Variants in PHF20 observed in about 807,000 individuals in gnomAD.
The protein encoded by PHF20 is glioma-expressed antigen 2.
Under a neutral mutation model 113.5 loss-of-function variants are expected in PHF20, and 23 were observed. That is an observed-to-expected ratio of 0.20 (90% CI 0.15 to 0.29). The LOEUF is 0.29. Among genes scored for constraint, PHF20 ranks in the 10% least tolerant of loss-of-function variants. The probability of loss-of-function intolerance (pLI) is 1.00; values close to 1 mark genes in which losing one functional copy is unlikely to be tolerated. For missense variants in PHF20, 943 were observed against 1,219.6 expected, an observed-to-expected ratio of 0.77 and a Z score of 3.38; for synonymous variants, 434 against 457.3, an observed-to-expected ratio of 0.95 and a Z score of 0.65.
intron 2 of PHF20, among the ~76,000 whole-genome samples, chr20:35,831,019 G>A (rs888519318): frequency 6.6e-6 from 1 of 152,156 alleles, no homozygotes; most frequent in South Asian, 2.1e-4. Context: ...GAAGGAATAA[G>A]TGCCAAATCT....
chr20:35,777,218 T>C lies in PHF20; in HGVS notation c.-33+5139T>C, dbSNP rs2041192683. 1.3e-5 allele frequency among the ~76,000 whole-genome samples: 2 copies of C among 152,220 alleles called. 1 individual carries two copies. The highest frequency in any genetic ancestry group is 4.1e-4 in the South Asian group (2 of 4,832). On this transcript the variant is annotated intron_variant, in intron 1 of 17. Coordinates refer to ENST00000374012, the MANE Select transcript of PHF20 (RefSeq NM_016436.5). Reference sequence around the variant, plus strand: ...TGTACCTTATATACCCCGTATTTACTTGTCAGTTCTCTTATCTAATGTATA... The same window carrying C: ...TGTACCTTATATACCCCGTATTTACCTGTCAGTTCTCTTATCTAATGTATA...
rs2147146712 is a variant in PHF20 at position 35,950,126 on chromosome 20, C to T, written c.*2499C>T. ...GTTTTGTCTTTAGAAAAACTATCCA[C>T]CTATAAAAAATTACCTTGACAAAAA... On this transcript the variant is annotated 3_prime_UTR_variant, in exon 18 of 18. Coordinates refer to ENST00000374012, the MANE Select transcript of PHF20 (RefSeq NM_016436.5). 1 of 152,690 alleles carries T rather than the reference C, an allele frequency of 6.5e-6. No individual in the cohort carries two copies. The highest frequency in any genetic ancestry group is 2.4e-5 in the African/African-American group (1 of 41,542). The allele number at this position is 152,690 out of a possible 1,614,324, so 9.5% of individuals were successfully genotyped here.
intron 2 of PHF20, among the ~76,000 whole-genome samples, chr20:35,808,244 C>T (rs995950524): frequency 6.6e-6 from 1 of 151,982 alleles, no homozygotes; most frequent in Non-Finnish European, 1.5e-5. Flanking sequence ...TTCTTCCTTC[C>T]TTACTTTTTT....
At chr20:35,845,549 G>T in intron 3 of PHF20, 2 of 163,782 alleles carry the variant, frequency 1.2e-5, no homozygotes, top group African/African-American at 2.4e-5. Context: ...AATTTTTTTT[G>T]TAGAGACAAG....
chr20:35,853,736 T>C (rs2042780202), intron 4 of PHF20, among the ~76,000 whole-genome samples: 1 of 150,920 alleles, frequency 6.6e-6, no homozygotes, highest in South Asian at 2.1e-4. Flanking sequence ...CCAGGATGGG[T>C]GACGAAGACC....
chr20:35,796,935 AT>A (rs1229875651), intron 1 of PHF20, among the ~76,000 whole-genome samples: 2 of 152,186 alleles, frequency 1.3e-5, no homozygotes, highest in African/African-American at 2.4e-5. Context: ...TCCTAATTAT[AT>A]AATCTGGCAG....
intron 15 of PHF20, among the ~76,000 whole-genome samples, chr20:35,936,584 TA>T (rs2055869890): frequency 6.6e-6 from 1 of 152,210 alleles, no homozygotes; most frequent in East Asian, 1.9e-4. Context: ...TTTTCTTTAA[TA>T]ACAAACTTTT....
intron 2 of PHF20, among the ~76,000 whole-genome samples, chr20:35,805,779 C>G (rs1018427614): frequency 2.0e-5 from 3 of 151,958 alleles, no homozygotes; most frequent in Non-Finnish European, 2.9e-5. Flanking sequence ...CATACCTGAT[C>G]TATATAAATT....
chr20:35,909,584 T>G (rs2055260886), intron 10 of PHF20, among the ~76,000 whole-genome samples: 1 of 152,236 alleles, frequency 6.6e-6, no homozygotes, highest in Admixed American at 6.5e-5. Context: ...GTCTGCTGTC[T>G]TTGGGCCTTG....
intron 3 of PHF20, among the ~76,000 whole-genome samples, chr20:35,847,144 G>A (rs149652688): frequency 2.0e-5 from 3 of 152,156 alleles, no homozygotes; most frequent in East Asian, 1.9e-4. Context: ...CACTGAAAAC[G>A]TTTACTTTTG....
chr20:35,811,729 T>C (rs112127530), intron 2 of PHF20, among the ~76,000 whole-genome samples: 7,268 of 150,262 alleles, frequency 0.048, 217 homozygotes, highest in African/African-American at 0.09. Context: ...CATGTGCCAC[T>C]GTGCCCGGCC....
intron 2 of PHF20, among the ~76,000 whole-genome samples, chr20:35,820,742 C>T (rs1286961953): frequency 6.6e-6 from 1 of 152,058 alleles, no homozygotes; most frequent in African/African-American, 2.4e-5. Context: ...AGCCATCACA[C>T]CTGGCCAGAA....
At chr20:35,810,944 A>G (rs2146882340) in intron 2 of PHF20, among the ~76,000 whole-genome samples, 1 of 152,286 alleles carries the variant, frequency 6.6e-6, no homozygotes, top group African/African-American at 2.4e-5. Flanking sequence ...TATTGCTGCA[A>G]GGTACAACCA....
chr20:35,931,196 G>T, intron 14 of PHF20, 53 bp from the exon 15 acceptor site: 1 of 1,271,168 alleles, frequency 7.9e-7, no homozygotes, highest in South Asian at 1.2e-5. Flanking sequence ...GTGATGAAAT[G>T]GCCTGGGTTT....
chr20:35,917,363 G>A (rs768418879), intron 12 of PHF20, 121 bp from the exon 13 acceptor site: 7 of 882,852 alleles, frequency 7.9e-6, no homozygotes. Flanking sequence ...TCGTTTCCTT[G>A]CCCTATGAAT....
intron 2 of PHF20, among the ~76,000 whole-genome samples, chr20:35,823,654 A>AG (rs1568613668): frequency 4.8e-5 from 7 of 145,698 alleles, no homozygotes; most frequent in East Asian, 4.0e-4. Flanking sequence ...AAAAAAAAAA[A>AG]GGGGTGAAGA....
At chr20:35,878,223 T>C (rs532349685) in intron 9 of PHF20, among the ~76,000 whole-genome samples, 1 of 152,322 alleles carries the variant, frequency 6.6e-6, no homozygotes, top group East Asian at 1.9e-4. Flanking sequence ...GAGAGATGAA[T>C]GCGACATCTG....
intron 17 of PHF20, among the ~76,000 whole-genome samples, chr20:35,943,841 G>A (rs1466329567): frequency 1.3e-5 from 2 of 152,062 alleles, no homozygotes; most frequent in African/African-American, 4.8e-5. Flanking sequence ...GGCTGGTCTC[G>A]ATCTCCTGAC....
chr20:35,884,871 C>T (rs1033842865), intron 9 of PHF20, among the ~76,000 whole-genome samples: 2 of 152,164 alleles, frequency 1.3e-5, no homozygotes, highest in Non-Finnish European at 2.9e-5. Context: ...CACTCTTTCG[C>T]CCAAGCTGGA....
Sources: gnomAD v4.1 joint callset for allele counts (sites outside exome capture counted in the v4.1 genomes callset) on GRCh38, gnomAD v4.1.1 for gene constraint, MANE v1.5 for transcripts, NCBI Gene and HGNC (gene_info 2026-07-23, HGNC 2026-07-21) for gene names.